Variants in MED27 observed in about 807,000 individuals in gnomAD.
MED27 encodes mediator complex subunit 27.
In MED27, 30 loss-of-function variants were observed where a neutral mutation model predicts 38.2. The observed-to-expected ratio is 0.79, with a 90% CI of 0.59 to 1.07. The LOEUF (loss-of-function observed/expected upper bound fraction) is 1.07. MED27 is among the 50% of genes least tolerant of loss of function. The pLI, the probability that MED27 is intolerant of heterozygous loss-of-function variation, is 0.00. For missense variants in MED27, 289 were observed against 397.5 expected, an observed-to-expected ratio of 0.73 and a Z score of 2.32; for synonymous variants, 122 against 153.5, an observed-to-expected ratio of 0.79 and a Z score of 1.52.
chr9:131,929,966 A>G (rs1308489069), intron 4 of MED27, among the ~76,000 whole-genome samples: 1 of 152,230 alleles, frequency 6.6e-6, no homozygotes, highest in East Asian at 1.9e-4. Context: ...GACCCAGCAC[A>G]GTCTCAGGAG....
chr9:131,938,485 T>A (rs1830722257), intron 4 of MED27, among the ~76,000 whole-genome samples: 1 of 152,228 alleles, frequency 6.6e-6, no homozygotes, highest in Non-Finnish European at 1.5e-5. Context: ...GAGGTCTCTA[T>A]GCCTTCCTAA....
chr9:131,892,562 C>A, intron 5 of MED27, among the ~76,000 whole-genome samples: 1 of 152,310 alleles, frequency 6.6e-6, no homozygotes, highest in Non-Finnish European at 1.5e-5. Context: ...CTCTCCAATT[C>A]GTTTGTAAGT....
intron 3 of MED27, among the ~76,000 whole-genome samples, chr9:131,979,592 G>A (rs1199693098): frequency 2.6e-5 from 4 of 151,830 alleles, no homozygotes; most frequent in African/African-American, 9.7e-5. Context: ...CCGCCTTGCA[G>A]AGGGCCTGGA....
At chr9:132,012,758 T>C (rs1832510481) in intron 3 of MED27, among the ~76,000 whole-genome samples, 1 of 152,166 alleles carries the variant, frequency 6.6e-6, no homozygotes, top group Admixed American at 6.5e-5. Flanking sequence ...ATGGCGTTAA[T>C]TTATTAATTT....
chr9:131,873,229 G>C (rs373783444), intron 6 of MED27, among the ~76,000 whole-genome samples: 31 of 152,322 alleles, frequency 2.0e-4, no homozygotes, highest in African/African-American at 6.3e-4. Flanking sequence ...AATGTTTAAA[G>C]AGACAGCAAT....
chr9:132,022,599 G>T (rs934322976), intron 2 of MED27, among the ~76,000 whole-genome samples: 2 of 152,140 alleles, frequency 1.3e-5, no homozygotes, highest in African/African-American at 2.4e-5. Context: ...CATTTTACTA[G>T]TCACCAAAAG....
chr9:132,066,369 C>T (rs767805672), intron 2 of MED27, among the ~76,000 whole-genome samples: 21 of 152,246 alleles, frequency 1.4e-4, no homozygotes, highest in Non-Finnish European at 2.6e-4. Context: ...GGGTGCATCT[C>T]GCAGAGCAGC....
intron 3 of MED27, among the ~76,000 whole-genome samples, chr9:132,011,268 T>C (rs1481344492): frequency 6.7e-6 from 1 of 148,860 alleles, no homozygotes; most frequent in Admixed American, 6.7e-5. Flanking sequence ...AAACTATATA[T>C]GACATATGCA....
rs1333649563 is a variant in MED27, at chr9:132,051,335, AC to A, written c.348+26106del. On this transcript the variant is annotated intron_variant, in intron 2 of 7. Coordinates refer to ENST00000292035, the MANE Select transcript of MED27 (RefSeq NM_004269.4). The surrounding 1 kb of genome is among the most constrained non-coding windows in gnomAD (Gnocchi z 4.2). The stretch of plus-strand genomic sequence containing the variant: ...AGTACATGGATTTCTGAAAGGATTA[AC>A]CCAAATGCCAAATGTACTTTGTTCT... 1.3e-5 allele frequency among the ~76,000 whole-genome samples: 2 copies of A among 152,226 alleles called. No individual in the cohort carries two copies. Among genetic ancestry groups the A allele is most frequent in the Non-Finnish European group, 2.9e-5 (2 of 68,040 alleles).
At chr9:132,044,525 G>A (rs750288365) in intron 2 of MED27, among the ~76,000 whole-genome samples, 15 of 152,214 alleles carry the variant, frequency 9.9e-5, no homozygotes, top group South Asian at 2.1e-4. Context: ...AGGTGAAGAC[G>A]AGGCCGACTT....
Position 131,860,463 on chromosome 9 carries a change from G to A in MED27, c.*75C>T. On this transcript the variant is annotated 3_prime_UTR_variant, in exon 8 of 8. Coordinates refer to ENST00000292035, the MANE Select transcript of MED27 (RefSeq NM_004269.4). This position sits in a 1 kb window ranked among gnomAD's most constrained non-coding sequence, Gnocchi z 5.8. ...TACACATCTGGGCAGTGAGGAACCA[G>A]CTGAGCCTTCTGTGGGCTTCCTGCG... 1 of 1,445,372 alleles carries A rather than the reference G, an allele frequency of 6.9e-7. No individual in the cohort carries two copies. 89.5% of individuals were successfully genotyped at this position (1,445,372 alleles called of 1,614,324 possible). A position where few individuals can be genotyped will look rare whatever the true frequency, so the allele number is the denominator to read the frequency against.
intron 2 of MED27, among the ~76,000 whole-genome samples, chr9:132,032,627 G>A (rs929671419): frequency 1.3e-5 from 2 of 152,148 alleles, no homozygotes; most frequent in Non-Finnish European, 1.5e-5. Context: ...GAATGTGTTC[G>A]TTCCCAAATG....
intron 2 of MED27, among the ~76,000 whole-genome samples, chr9:132,061,399 T>C (rs1833694019): frequency 6.6e-6 from 1 of 152,200 alleles, no homozygotes; most frequent in Non-Finnish European, 1.5e-5. Flanking sequence ...ACTTTGGTTG[T>C]AAGATCTTGC....
chr9:131,883,789 A>T lies in MED27; in HGVS notation c.723+269T>A, dbSNP rs4740328. On this transcript the variant is annotated intron_variant, in intron 6 of 7. Coordinates refer to ENST00000292035, the MANE Select transcript of MED27 (RefSeq NM_004269.4). The surrounding 1 kb of genome is among the most constrained non-coding windows in gnomAD (Gnocchi z 4.2). ...GTGTAACACCGCCACAATTAAGATA[A>T]AGAATATTCCCACCACCCCACACTC... 2.0e-5 allele frequency among the ~76,000 whole-genome samples: 3 copies of T among 152,102 alleles called. No homozygotes were observed. Among genetic ancestry groups the T allele is most frequent in the African/African-American group, 7.2e-5 (3 of 41,392 alleles).
chr9:131,960,018 A>G (rs1831182553), intron 3 of MED27, among the ~76,000 whole-genome samples: 1 of 152,196 alleles, frequency 6.6e-6, no homozygotes, highest in Non-Finnish European at 1.5e-5. Context: ...GGAACACTAC[A>G]GTTCACAAAT....
At position 131,907,225 on chromosome 9, in the gene MED27, G is replaced by A. The variant is rs897843320; in HGVS notation, c.574-13233C>T. 8.6e-5 allele frequency among the ~76,000 whole-genome samples: 13 copies of A among 151,498 alleles called. 1 individual carries two copies. Among genetic ancestry groups the A allele is most frequent in the African/African-American group, 3.2e-4 (13 of 41,076 alleles). On this transcript the variant is annotated intron_variant, in intron 4 of 7. Transcript: ENST00000292035. ...TCCCTCTCCCTCTCCCTCTCCCCACGGTCTCCCTCTCCCTCTCTTTCCACG... is the reference window on the plus strand; with the variant it reads ...TCCCTCTCCCTCTCCCTCTCCCCACAGTCTCCCTCTCCCTCTCTTTCCACG...
At chr9:131,938,782 CG>C (rs1830728216) in intron 4 of MED27, among the ~76,000 whole-genome samples, 1 of 151,014 alleles carries the variant, frequency 6.6e-6, no homozygotes, top group Non-Finnish European at 1.5e-5. Flanking sequence ...GGAGTGATCT[CG>C]GCTCACTGCA....
At chr9:131,928,084 A>C (rs1301114086) in intron 4 of MED27, among the ~76,000 whole-genome samples, 1 of 152,222 alleles carries the variant, frequency 6.6e-6, no homozygotes, top group Non-Finnish European at 1.5e-5. Flanking sequence ...GAACAACAAC[A>C]AAATCAGTGG....
chr9:132,063,268 C>A (rs1359347022), intron 2 of MED27, among the ~76,000 whole-genome samples: 1 of 152,182 alleles, frequency 6.6e-6, no homozygotes, highest in African/African-American at 2.4e-5. Flanking sequence ...GCAGTTCCCC[C>A]AGAAACCCCC....
Sources: gnomAD v4.1 joint callset for allele counts (sites outside exome capture counted in the v4.1 genomes callset) on GRCh38, gnomAD v4.1.1 for gene constraint, Gnocchi (gnomAD v3.1) non-coding constraint, MANE v1.5 for transcripts, NCBI Gene and HGNC (gene_info 2026-07-23, HGNC 2026-07-21) for gene names.